The following ANAPC1 variants were observed in gnomAD, a reference collection of about 807,000 sequenced individuals.
ANAPC1 encodes anaphase promoting complex subunit 1.
A neutral mutation model predicts 208.0 loss-of-function variants in ANAPC1; 36 were observed. That is an observed-to-expected ratio of 0.17 (90% CI 0.13 to 0.23). The LOEUF is 0.23. Ranked by LOEUF, ANAPC1 falls within the 10% of genes least tolerant of loss-of-function variation. The probability of loss-of-function intolerance (pLI) is 1.00; values close to 1 mark genes in which losing one functional copy is unlikely to be tolerated. For missense variants in ANAPC1, 942 were observed against 2,011.6 expected, an observed-to-expected ratio of 0.47 and a Z score of 10.17; for synonymous variants, 378 against 695.2, an observed-to-expected ratio of 0.54 and a Z score of 7.18.
intron 13 of ANAPC1, among the ~76,000 whole-genome samples, chr2:111,851,759 G>A (rs1431881031): frequency 1.3e-5 from 2 of 151,530 alleles, no homozygotes; most frequent in East Asian, 3.9e-4. Flanking sequence ...GCAGTGAGCC[G>A]AGATCGCGCC....
chr2:111,781,066 A>C (rs368306411), intron 43 of ANAPC1, among the ~76,000 whole-genome samples: 1 of 150,496 alleles, frequency 6.6e-6, no homozygotes, highest in African/African-American at 2.4e-5. Flanking sequence ...GGTTAAGACA[A>C]TAAATTGTGT....
intron 3 of ANAPC1, among the ~76,000 whole-genome samples, chr2:111,877,359 T>G (rs1034194006): frequency 6.6e-6 from 1 of 152,204 alleles, no homozygotes; most frequent in South Asian, 2.1e-4. Flanking sequence ...CACCTTTTTT[T>G]CTTTCTCCGT....
Position 111,856,896 on chromosome 2 carries a change from A to G in ANAPC1, c.1359-10T>C. The G allele has an allele frequency of 6.2e-7, 1 of 1,607,196 alleles. No homozygotes were observed. ...TTGAAACTTTACACAGCTAAATAAT[A>G]AAATAAAAAAGAAACTTGATACATG... is the stretch of plus-strand genomic sequence containing the variant. On this transcript the variant is annotated splice_polypyrimidine_tract_variant and intron_variant, in intron 11 of 47. Transcript: ENST00000341068.
At chr2:111,842,538 G>A (rs984425363) in intron 17 of ANAPC1, among the ~76,000 whole-genome samples, 1 of 151,686 alleles carries the variant, frequency 6.6e-6, no homozygotes, top group Non-Finnish European at 1.5e-5. Context: ...GGCTACTCGG[G>A]AGGCTGAGGC....
At position 111,843,516 on chromosome 2, in the gene ANAPC1, T is replaced by C. The variant is rs1319374708; in HGVS notation, c.1936A>G (p.Ser646Gly). ...TGATAACTGGGTCCTCCTGGAGCAC[T>C]GTGGACATTGTACCACTTGACAAGC... is the stretch of plus-strand genomic sequence containing the variant. The part of the protein sequence containing the change: ...QMLVKWYNVH[S>G]APGGPSYHSE... Residue 646 changes from serine (S) to glycine (G), a missense_variant, in exon 17 of 48, where the codon AGT becomes GGT. By Grantham distance (56) the Ser-to-Gly change is moderately conservative. Coordinates refer to ENST00000341068, the MANE Select transcript of ANAPC1 (RefSeq NM_022662.4). 2 of 1,611,966 alleles carry C rather than the reference T, an allele frequency of 1.2e-6. No individual in the cohort carries two copies. Among genetic ancestry groups the C allele is most frequent in the Non-Finnish European group, 1.7e-6 (2 of 1,179,810 alleles).
intron 13 of ANAPC1, 107 bp downstream of exon 13, chr2:111,856,507 G>C: frequency 8.8e-7 from 1 of 1,133,532 alleles, no homozygotes; most frequent in South Asian, 1.4e-5. Flanking sequence ...AAATTGTGCA[G>C]ACAGGAACAT....
At chr2:111,834,928 A>T in intron 18 of ANAPC1, 56 bp from the exon 19 acceptor site, 5 of 1,290,628 alleles carry the variant, frequency 3.9e-6, no homozygotes, top group Non-Finnish European at 5.1e-6. Flanking sequence ...TTATAATATC[A>T]TAAGAAAATT....
chr2:111,821,717 C>T lies in ANAPC1; in HGVS notation c.2992-264G>A, dbSNP rs1263639934. 7 of 417,742 alleles carry T rather than the reference C, an allele frequency of 1.7e-5. No individual in the cohort carries two copies. In the Admixed American group the frequency reaches 1.8e-4, roughly 11 times the overall value. The allele number at this position is 417,742 out of a possible 1,614,324, so 25.9% of individuals were successfully genotyped here. ...GGGAGGCCGAGGTGGGCGGATCACC[C>T]GAGGCCAGGGGTTCCAGACCAGCCT... On this transcript the variant is annotated intron_variant, in intron 25 of 47. Coordinates refer to ENST00000341068, the MANE Select transcript of ANAPC1 (RefSeq NM_022662.4).
At chr2:111,832,624 G>C (rs570194194) in intron 20 of ANAPC1, among the ~76,000 whole-genome samples, 7 of 152,248 alleles carry the variant, frequency 4.6e-5, no homozygotes, top group Non-Finnish European at 8.8e-5. Flanking sequence ...TACACTACAA[G>C]TCTAAGTTAA....
chr2:111,833,726 C>T (rs1256462884), intron 19 of ANAPC1, among the ~76,000 whole-genome samples: 1 of 113,858 alleles, frequency 8.8e-6, no homozygotes, highest in Non-Finnish European at 1.8e-5. Flanking sequence ...ATACACATTA[C>T]TTTTTTCAGA....
At chr2:111,792,741 A>G (rs1445140487) in intron 37 of ANAPC1, among the ~76,000 whole-genome samples, 186 bp from the exon 38 acceptor site, 2 of 151,952 alleles carry the variant, frequency 1.3e-5, no homozygotes, top group Non-Finnish European at 2.9e-5. Context: ...TCACGAGGTC[A>G]GGAGATCGAG....
intron 6 of ANAPC1, among the ~76,000 whole-genome samples, chr2:111,870,135 GCTTC>G (rs1682665396): frequency 6.6e-6 from 1 of 152,334 alleles, no homozygotes; most frequent in African/African-American, 2.4e-5. Context: ...CACTTAGGCT[GCTTC>G]CTTATCTTTG....
At chr2:111,879,969 C>T (rs900528358) in intron 2 of ANAPC1, among the ~76,000 whole-genome samples, 3 of 152,186 alleles carry the variant, frequency 2.0e-5, no homozygotes, top group African/African-American at 4.8e-5. Context: ...TACTTCTAAT[C>T]TCTACCATTT....
intron 10 of ANAPC1, among the ~76,000 whole-genome samples, chr2:111,859,385 C>T (rs1282032091): frequency 6.6e-6 from 1 of 151,910 alleles, no homozygotes; most frequent in Non-Finnish European, 1.5e-5. Context: ...GCAGGATAAT[C>T]GATTGAACCT....
intron 7 of ANAPC1, 100 bp from the exon 8 acceptor site, chr2:111,865,051 C>G (rs1682331284): frequency 5.7e-6 from 8 of 1,398,610 alleles, no homozygotes; most frequent in African/African-American, 1.5e-5. Flanking sequence ...AAAGAACAAC[C>G]AAGCCAAAGA....
chr2:111,851,358 C>T (rs1681385777), intron 13 of ANAPC1, among the ~76,000 whole-genome samples: 1 of 152,092 alleles, frequency 6.6e-6, no homozygotes, highest in African/African-American at 2.4e-5. Flanking sequence ...CCACCTAGAC[C>T]TCTCACACCT....
intron 13 of ANAPC1, among the ~76,000 whole-genome samples, chr2:111,852,887 G>A (rs1681483262): frequency 6.6e-6 from 1 of 152,060 alleles, no homozygotes; most frequent in Non-Finnish European, 1.5e-5. Flanking sequence ...ACTTTGGGAG[G>A]CTGAGGTGGG....
intron 17 of ANAPC1, among the ~76,000 whole-genome samples, chr2:111,841,946 C>T (rs1480693157): frequency 3.9e-5 from 6 of 152,278 alleles, no homozygotes; most frequent in East Asian, 1.9e-4. Flanking sequence ...GTGAAATGGG[C>T]GCTTTTAAAT....
intron 46 of ANAPC1, among the ~76,000 whole-genome samples, chr2:111,775,559 A>AT (rs1676961059): frequency 6.6e-6 from 1 of 152,244 alleles, no homozygotes; most frequent in South Asian, 2.1e-4. Context: ...AAATAAACAC[A>AT]TTTTTGATAA....
Sources: gnomAD v4.1 joint callset for allele counts (sites outside exome capture counted in the v4.1 genomes callset) on GRCh38, gnomAD v4.1.1 for gene constraint, MANE v1.5 for transcripts, NCBI Gene and HGNC (gene_info 2026-07-23, HGNC 2026-07-21) for gene names.